ZNF536: variants seen among roughly 807,000 people sequenced by gnomAD.
ZNF536 encodes zinc finger protein 536.
A neutral mutation model predicts 84.5 loss-of-function variants in ZNF536; 13 were observed. The ratio of observed to expected loss-of-function variants is 0.15; its 90% CI spans 0.10 to 0.24. The LOEUF is 0.24. ZNF536 is among the 10% of genes least tolerant of loss of function. ZNF536 has a pLI of 1.00. For missense variants in ZNF536, 1,536 were observed against 1,747.5 expected (o/e 0.88, Z 2.16); for synonymous variants, 811 against 742.5 (o/e 1.09, Z -1.50).
At chr19:30,261,610 G>A (rs939770987) in intron 1 of ZNF536, among the ~76,000 whole-genome samples, 2 of 150,274 alleles carry the variant, frequency 1.3e-5, no homozygotes, top group Non-Finnish European at 1.5e-5. Flanking sequence ...AAGGTGGGAG[G>A]GTCATTTGAG....
At chr19:30,522,139 C>T (rs1036444042) in intron 2 of ZNF536, among the ~76,000 whole-genome samples, 6 of 151,122 alleles carry the variant, frequency 4.0e-5, no homozygotes, top group Admixed American at 6.6e-5. Flanking sequence ...GTCTCCTTGG[C>T]TCCTCTGCTC....
intron 1 of ZNF536, among the ~76,000 whole-genome samples, chr19:30,698,164 C>T (rs1054310589): frequency 7.4e-4 from 113 of 152,150 alleles, no homozygotes; most frequent in African/African-American, 1.9e-3. Flanking sequence ...CATTGGTGCA[C>T]GCCTGTAGTC....
intron 2 of ZNF536, among the ~76,000 whole-genome samples, chr19:30,297,440 G>T (rs892943403): frequency 2.6e-5 from 4 of 151,990 alleles, no homozygotes; most frequent in Admixed American, 2.0e-4. Flanking sequence ...TTTTATTACT[G>T]AACTTTAAAA....
chr19:30,278,256 A>G (rs1048773853), intron 1 of ZNF536, among the ~76,000 whole-genome samples: 1 of 152,290 alleles, frequency 6.6e-6, no homozygotes, highest in African/African-American at 2.4e-5. Context: ...ATAGCTTCCC[A>G]GGGAAAGGCA....
intron 1 of ZNF536, among the ~76,000 whole-genome samples, chr19:30,687,056 A>G (rs558492514): frequency 6.6e-6 from 1 of 152,324 alleles, no homozygotes; most frequent in Non-Finnish European, 1.5e-5. Context: ...TTCAGCGAGG[A>G]GATAGCAAGA....
chr19:30,508,790 G>A (rs562798098), intron 2 of ZNF536, among the ~76,000 whole-genome samples: 4 of 147,282 alleles, frequency 2.7e-5, no homozygotes, highest in South Asian at 2.2e-4. Context: ...TGTGGGCACC[G>A]TGGTTCTTTT....
intron 2 of ZNF536, among the ~76,000 whole-genome samples, chr19:30,517,283 G>A (rs991921581): frequency 6.6e-6 from 1 of 152,164 alleles, no homozygotes; most frequent in Non-Finnish European, 1.5e-5. Context: ...TAGTCTGGAG[G>A]CTTCTGCCTT....
chr19:30,709,093 GT>G (rs2052359440), intron 1 of ZNF536, among the ~76,000 whole-genome samples: 1 of 152,108 alleles, frequency 6.6e-6, no homozygotes, highest in Non-Finnish European at 1.5e-5. Context: ...CCAGCCAGAT[GT>G]TTTACCAGTT....
rs1417359229 is a variant in ZNF536 at position 30,549,137 on chromosome 19, C to T, written c.3518C>T (p.Ser1173Phe). The T allele has an allele frequency of 6.2e-7, 1 of 1,614,084 alleles. No individual in the cohort carries two copies. The highest frequency in any genetic ancestry group is 1.7e-5 in the Admixed American group (1 of 60,032). The change falls in exon 4 of 5, where the codon TCC becomes TTC. Residue 1173 changes from serine to phenylalanine, a missense_variant. Ser to Phe is a radical substitution (Grantham distance 155). Coordinates refer to ENST00000355537, the MANE Select transcript of ZNF536 (RefSeq NM_014717.3). ...DIASSEDMDS[S>F]KGENNDEEDV... ...GCCTCCTCAGAGGACATGGACTCCT[C>T]CAAGGGGGAGAACAACGATGAAGAG... is the stretch of plus-strand genomic sequence containing the variant.
chr19:30,604,565 G>GT (rs1324391211), intron 1 of ZNF536, among the ~76,000 whole-genome samples: 2 of 152,220 alleles, frequency 1.3e-5, no homozygotes, highest in South Asian at 4.1e-4. Flanking sequence ...AGGATAACTG[G>GT]TTTTTTTCTT....
At chr19:30,270,474 T>C (rs1268924574) in intron 1 of ZNF536, among the ~76,000 whole-genome samples, 2 of 152,246 alleles carry the variant, frequency 1.3e-5, no homozygotes, top group Non-Finnish European at 2.9e-5. Context: ...TGAAGTAATG[T>C]GATTTCTAAA....
chr19:30,383,189 C>T (rs1235482004), intron 1 of ZNF536, among the ~76,000 whole-genome samples: 2 of 152,148 alleles, frequency 1.3e-5, no homozygotes, highest in East Asian at 3.9e-4. Flanking sequence ...ACTCGGGAGG[C>T]TGAGGCAGGA....
Position 30,482,081 on chromosome 19 carries a change from T to G in ZNF536, c.2170+36349T>G, listed in dbSNP as rs147245802. Reference sequence around the variant, plus strand: ...TTCGTTGATCAGTGGGTACTTAGGTTGATTCCATATCTTTGCAATTGCAAA... The same window carrying G: ...TTCGTTGATCAGTGGGTACTTAGGTGGATTCCATATCTTTGCAATTGCAAA... On this transcript the variant is annotated intron_variant, in intron 2 of 4. Transcript: ENST00000355537. Among the ~76,000 whole-genome samples, 1,220 of 152,322 alleles carry G rather than the reference T, an allele frequency of 8.0e-3. 7 individuals carry two copies. Among genetic ancestry groups the G allele is most frequent in the Non-Finnish European group, 0.012 (820 of 68,034 alleles).
intron 1 of ZNF536, among the ~76,000 whole-genome samples, chr19:30,570,367 A>T (rs1285686581): frequency 6.6e-6 from 1 of 152,204 alleles, no homozygotes; most frequent in Admixed American, 6.5e-5. Flanking sequence ...TCCCAACTCA[A>T]ACTGGCACGT....
At chr19:30,592,049 T>A (rs1209804155) in intron 1 of ZNF536, among the ~76,000 whole-genome samples, 3 of 152,226 alleles carry the variant, frequency 2.0e-5, no homozygotes, top group Non-Finnish European at 4.4e-5. Flanking sequence ...CCTTCTCTAG[T>A]GTGATAACCT....
intron 1 of ZNF536, among the ~76,000 whole-genome samples, chr19:30,429,589 C>T (rs1310640765): frequency 6.6e-6 from 1 of 152,164 alleles, no homozygotes; most frequent in East Asian, 1.9e-4. Flanking sequence ...CTCCCAGTCA[C>T]CTGATCCTTT....
chr19:30,468,299 T>C (rs2053495940), intron 2 of ZNF536, among the ~76,000 whole-genome samples: 1 of 152,074 alleles, frequency 6.6e-6, no homozygotes, highest in African/African-American at 2.4e-5. Flanking sequence ...GCTGGGAAGA[T>C]GCTGTGATTC....
intron 1 of ZNF536, among the ~76,000 whole-genome samples, chr19:30,387,202 C>T (rs1017976871): frequency 1.3e-5 from 2 of 152,272 alleles, no homozygotes; most frequent in East Asian, 1.9e-4. Context: ...AGTATGGTAC[C>T]AGAGGGAGGC....
chr19:30,669,385 A>G (rs1373703158), intron 1 of ZNF536, among the ~76,000 whole-genome samples: 1 of 152,140 alleles, frequency 6.6e-6, no homozygotes, highest in African/African-American at 2.4e-5. Context: ...GGCGGCCCCC[A>G]TCCCTCACAC....
Sources: allele counts gnomAD v4.1 joint callset (sites outside exome capture counted in the v4.1 genomes callset), GRCh38; gene constraint gnomAD v4.1.1; transcripts MANE v1.5; gene names NCBI Gene and HGNC (gene_info 2026-07-23, HGNC 2026-07-21).